UNC5D: variants seen among roughly 807,000 people sequenced by gnomAD.
UNC5D encodes the protein netrin receptor UNC5D.
A neutral mutation model predicts 105.4 loss-of-function variants in UNC5D; 39 were observed. That is an observed-to-expected ratio of 0.37 (90% confidence interval 0.29 to 0.48). UNC5D has a LOEUF of 0.48. Among genes scored for constraint, UNC5D ranks in the 20% least tolerant of loss-of-function variants. UNC5D has a pLI of 0.98. For synonymous variants in UNC5D, 452 were observed against 450.4 expected (o/e 1.00, Z -0.04); for missense variants, 991 against 1,202.4 (o/e 0.82, Z 2.60).
At chr8:35,757,361 A>T (rs1386865924) in intron 13 of UNC5D, among the ~76,000 whole-genome samples, 1 of 152,052 alleles carries the variant, frequency 6.6e-6, no homozygotes, top group Non-Finnish European at 1.5e-5. Flanking sequence ...TCAGCCTTCC[A>T]TCCCAGCTCC....
chr8:35,645,527 CTGTG>C lies in UNC5D; in HGVS notation c.571-37995_571-37992del, dbSNP rs374310163. 7.4e-3 allele frequency among the ~76,000 whole-genome samples: 1,071 copies of C among 145,446 alleles called. 14 individuals are homozygous for C. The highest frequency in any genetic ancestry group is 0.023 in the African/African-American group (939 of 40,076). ...TTTCTATCGTATATATGTGTGTGTG[CTGTG>C]TGTGTGTGTGTGTGTGTGTGTGTGA... On this transcript the variant is annotated intron_variant, in intron 4 of 16. Coordinates refer to ENST00000404895, the MANE Select transcript of UNC5D (RefSeq NM_080872.4).
At chr8:35,305,577 T>TTCTTTCTTTCTC (rs1339138456) in intron 1 of UNC5D, among the ~76,000 whole-genome samples, 1 of 53,998 alleles carries the variant, frequency 1.9e-5, no homozygotes, top group African/African-American at 6.6e-5. Context: ...CTTTCTTTCT[T>TTCTTTCTTTCTC]TTTCTTTCTT....
intron 8 of UNC5D, among the ~76,000 whole-genome samples, chr8:35,712,424 A>T (rs1828019812): frequency 6.6e-6 from 1 of 152,226 alleles, no homozygotes; most frequent in Admixed American, 6.5e-5. Flanking sequence ...GGCAGAAAGA[A>T]GATAAGTGAT....
At chr8:35,610,085 A>G (rs903759212) in intron 4 of UNC5D, among the ~76,000 whole-genome samples, 1 of 152,016 alleles carries the variant, frequency 6.6e-6, no homozygotes, top group Non-Finnish European at 1.5e-5. Context: ...ACCAGGTACT[A>G]TGGTAGGTGG....
intron 4 of UNC5D, among the ~76,000 whole-genome samples, chr8:35,653,904 GC>G (rs1377179189): frequency 6.6e-6 from 1 of 151,808 alleles, no homozygotes; most frequent in African/African-American, 2.4e-5. Context: ...TGTTGTCTCT[GC>G]ACATTCCTAT....
At chr8:35,562,947 A>T (rs1322162847) in intron 2 of UNC5D, among the ~76,000 whole-genome samples, 1 of 151,754 alleles carries the variant, frequency 6.6e-6, no homozygotes, top group African/African-American at 2.4e-5. Context: ...CATATATTAG[A>T]TTTGTTTTTA....
intron 16 of UNC5D, among the ~76,000 whole-genome samples, chr8:35,788,700 GCACACACA>G (rs150561818): frequency 6.8e-6 from 1 of 146,652 alleles, no homozygotes; most frequent in Non-Finnish European, 1.5e-5. Flanking sequence ...ACACACACAC[GCACACACA>G]CACACACACA....
At chr8:35,619,254 T>C (rs1821209332) in intron 4 of UNC5D, among the ~76,000 whole-genome samples, 1 of 152,218 alleles carries the variant, frequency 6.6e-6, no homozygotes, top group African/African-American at 2.4e-5. Context: ...CAGAATATAA[T>C]TCCCATATAG....
chr8:35,320,506 G>A (rs2128885121), intron 1 of UNC5D, among the ~76,000 whole-genome samples: 1 of 152,182 alleles, frequency 6.6e-6, no homozygotes, highest in African/African-American at 2.4e-5. Context: ...TACAGAATGT[G>A]GATTTTCTCC....
chr8:35,404,275 A>G (rs1269040457), intron 1 of UNC5D, among the ~76,000 whole-genome samples: 1 of 152,206 alleles, frequency 6.6e-6, no homozygotes, highest in African/African-American at 2.4e-5. Flanking sequence ...ATGGTTTGTC[A>G]AGAGGCCAAG....
chr8:35,766,330 C>T (rs1801764979), intron 14 of UNC5D, among the ~76,000 whole-genome samples: 1 of 151,818 alleles, frequency 6.6e-6, no homozygotes, highest in South Asian at 2.1e-4. Context: ...TTCCCTCCTT[C>T]CTCCCTCTTT....
intron 1 of UNC5D, among the ~76,000 whole-genome samples, chr8:35,302,895 T>C (rs1472953202): frequency 6.6e-6 from 1 of 152,148 alleles, no homozygotes; most frequent in Non-Finnish European, 1.5e-5. Context: ...CCTTGCATTT[T>C]ACAAATAAGG....
At chr8:35,451,166 C>T (rs1808128194) in intron 1 of UNC5D, among the ~76,000 whole-genome samples, 1 of 151,876 alleles carries the variant, frequency 6.6e-6, no homozygotes, top group Non-Finnish European at 1.5e-5. Context: ...GCCTCAACCT[C>T]CCAAGTAGCT....
At chr8:35,325,681 G>C (rs1310084544) in intron 1 of UNC5D, among the ~76,000 whole-genome samples, 2 of 152,208 alleles carry the variant, frequency 1.3e-5, no homozygotes, top group African/African-American at 4.8e-5. Flanking sequence ...TCAATGGCGA[G>C]TTGCCAGTTG....
intron 1 of UNC5D, among the ~76,000 whole-genome samples, chr8:35,339,434 T>G (rs1811294592): frequency 6.6e-6 from 1 of 152,256 alleles, no homozygotes; most frequent in Non-Finnish European, 1.5e-5. Flanking sequence ...CCTTTCCATC[T>G]GTCTATTTAT....
chr8:35,433,492 C>T (rs1018615011), intron 1 of UNC5D, among the ~76,000 whole-genome samples: 1 of 151,988 alleles, frequency 6.6e-6, no homozygotes, highest in African/African-American at 2.4e-5. Context: ...TTTCTATCAA[C>T]TCCCCCTTCA....
intron 16 of UNC5D, among the ~76,000 whole-genome samples, chr8:35,787,482 G>A (rs1259086036): frequency 6.6e-6 from 1 of 152,150 alleles, no homozygotes; most frequent in African/African-American, 2.4e-5. Flanking sequence ...CTCTCTCCCA[G>A]CTGTTCCTTC....
intron 11 of UNC5D, among the ~76,000 whole-genome samples, chr8:35,736,960 G>C (rs888261163): frequency 6.6e-5 from 10 of 152,090 alleles, no homozygotes; most frequent in African/African-American, 2.2e-4. Context: ...TTATATTTTA[G>C]ATAGATTCTG....
rs1813834488 is a variant in UNC5D at position 35,525,839 on chromosome 8, A to C, written c.104-23453A>C. ...TACAGAAAAGCAATGTGTTACTTCA[A>C]AGGCATTTAGTCATAGTAAAATCCA... On this transcript the variant is annotated intron_variant, in intron 1 of 16. Transcript: ENST00000404895. The C allele has an allele frequency of 2.8e-5, 38 of 1,362,764 alleles. 2 individuals are homozygous for C. In the South Asian group the frequency reaches 5.8e-4, roughly 21 times the overall value. The allele number at this position is 1,362,764 out of a possible 1,614,324, so 84.4% of individuals were successfully genotyped here.
Sources: allele counts gnomAD v4.1 joint callset (sites outside exome capture counted in the v4.1 genomes callset), GRCh38; gene constraint gnomAD v4.1.1; transcripts MANE v1.5; gene names NCBI Gene and HGNC (gene_info 2026-07-23, HGNC 2026-07-21).